GALNT16: variants seen among roughly 807,000 people sequenced by gnomAD.
The protein encoded by GALNT16 is polypeptide N-acetylgalactosaminyltransferase 16.
In GALNT16, 40 loss-of-function variants were observed where a neutral mutation model predicts 76.1. That is an observed-to-expected ratio of 0.53 (90% confidence interval 0.41 to 0.68). The LOEUF (loss-of-function observed/expected upper bound fraction) is 0.68, where lower values mean the gene tolerates loss of function less well. GALNT16 is among the 30% of genes least tolerant of loss of function. The pLI is 0.00. For synonymous variants in GALNT16, 276 were observed against 285.2 expected, an observed-to-expected ratio of 0.97 and a Z score of 0.32; for missense variants, 621 against 731.9, an observed-to-expected ratio of 0.85 and a Z score of 1.75.
In GALNT16 at chr14:69,338,789, A is replaced by T; in HGVS notation, c.1094+12A>T. 6.2e-7 allele frequency: 1 copy of T among 1,607,000 alleles called. No homozygotes were observed. The highest frequency in any genetic ancestry group is 8.5e-7 in the Non-Finnish European group (1 of 1,175,952). On this transcript the variant is annotated intron_variant, in intron 10 of 14. Coordinates refer to ENST00000448469, the MANE Select transcript of GALNT16 (RefSeq NM_001168368.2). ...CTCACCTACATCAGGTAGGTCACCG[A>T]GAAAGGAGCACGGGACTCAGAGGAG...
chr14:69,369,604 A>G, the GALNT16 span, among the ~76,000 whole-genome samples: 1 of 152,182 alleles, frequency 6.6e-6, no homozygotes. Flanking sequence ...AGGAACATCC[A>G]TGTTGTTGGC....
At position 69,260,160 on chromosome 14, in the gene GALNT16, C is replaced by A. The variant is rs1357738376; in HGVS notation, c.-131C>A. ...CACCCCCCCGCCCCCCCACCTCTCTCCTTTTTCTGCTCTGCAGGACTGAGC... is the reference window on the plus strand; with the variant it reads ...CACCCCCCCGCCCCCCCACCTCTCTACTTTTTCTGCTCTGCAGGACTGAGC... On this transcript the variant is annotated 5_prime_UTR_variant, in exon 1 of 15. Transcript: ENST00000448469. 2 of 244,882 alleles carry A rather than the reference C, an allele frequency of 8.2e-6. No homozygotes were observed. 15.2% of individuals were successfully genotyped at this position (244,882 alleles called of 1,614,324 possible). A position where few individuals can be genotyped will look rare whatever the true frequency, so the allele number is the denominator to read the frequency against.
chr14:69,356,477 T>G (rs893105764), downstream of GALNT16: 1 of 150,276 alleles, frequency 6.7e-6, no homozygotes, highest in African/African-American at 2.5e-5. Flanking sequence ...TCTCTATAAA[T>G]AAAAATTCAA....
At chr14:69,361,616 C>T (rs141406735), downstream of GALNT16, among the ~76,000 whole-genome samples, 1 of 152,356 alleles carries the variant, frequency 6.6e-6, no homozygotes, top group Non-Finnish European at 1.5e-5. Flanking sequence ...CGTATCCTTA[C>T]ATGGCTGATT....
chr14:69,321,717 C>G (rs536245076), intron 2 of GALNT16, among the ~76,000 whole-genome samples: 1 of 152,306 alleles, frequency 6.6e-6, no homozygotes, highest in African/African-American at 2.4e-5. Flanking sequence ...AGCTACTTGG[C>G]TCACTTCGAG....
chr14:69,259,650 C>T (rs1566853935), upstream of GALNT16: 1 of 152,748 alleles, frequency 6.5e-6, no homozygotes, highest in South Asian at 2.1e-4. Context: ...TCAGGACTCT[C>T]CCCCGCCCAG....
chr14:69,366,768 A>T, the GALNT16 span, among the ~76,000 whole-genome samples: 1 of 152,360 alleles, frequency 6.6e-6, no homozygotes, highest in African/African-American at 2.4e-5. Context: ...TAGCTAATTG[A>T]TTAATGAATC....
rs765498458 is a variant in GALNT16, at chr14:69,354,006, G to A, written c.*1838G>A. 73 of 152,628 alleles carry A rather than the reference G, an allele frequency of 4.8e-4. No individual in the cohort carries two copies. The highest frequency in any genetic ancestry group is 6.4e-4 in the Non-Finnish European group (44 of 68,246). 9.5% of individuals were successfully genotyped at this position (152,628 alleles called of 1,614,324 possible). ...CTCCCGTGCCCAAGTGCACCCCTCT[G>A]GACTTGCCAGCGCAGGCCCCTTCGC... is the stretch of plus-strand genomic sequence containing the variant. On this transcript the variant is annotated 3_prime_UTR_variant, in exon 15 of 15. Coordinates refer to ENST00000448469, the MANE Select transcript of GALNT16 (RefSeq NM_001168368.2).
At chr14:69,315,162 GA>G (rs563252474) in intron 1 of GALNT16, among the ~76,000 whole-genome samples, 7 of 150,520 alleles carry the variant, frequency 4.7e-5, no homozygotes, top group African/African-American at 7.3e-5. Flanking sequence ...AATCTAGCTG[GA>G]AAAAAAAACT....
At chr14:69,380,773 AGAGCT>A in the GALNT16 span, 1 of 592,448 alleles carries the variant, frequency 1.7e-6, no homozygotes, top group Non-Finnish European at 3.1e-6. Context: ...AAAAGCTGAA[AGAGCT>A]ACTTACACAG....
chr14:69,261,427 G>A lies in GALNT16; in HGVS notation c.177+960G>A, dbSNP rs1319676912. 6.6e-6 allele frequency among the ~76,000 whole-genome samples: 1 copy of A among 152,202 alleles called. No individual in the cohort carries two copies. Among genetic ancestry groups the A allele is most frequent in the African/African-American group, 2.4e-5 (1 of 41,462 alleles). ...CTCGAGCGGGCGCATTCTTCCAGAC[G>A]GGGGCGGTTGGTGGACGAGAGCCTC... On this transcript the variant is annotated intron_variant, in intron 1 of 14. Transcript: ENST00000448469. The surrounding 1 kb of genome is among the most constrained non-coding windows in gnomAD (Gnocchi z 6.4).
chr14:69,371,579 G>T, the GALNT16 span, among the ~76,000 whole-genome samples: 2 of 151,968 alleles, frequency 1.3e-5, no homozygotes, highest in South Asian at 4.2e-4. Flanking sequence ...AAATATTGCT[G>T]GGGAATACAT....
chr14:69,301,387 T>A (rs182307103), intron 1 of GALNT16, among the ~76,000 whole-genome samples: 11 of 152,304 alleles, frequency 7.2e-5, no homozygotes, highest in Non-Finnish European at 1.5e-4. Context: ...GGAGTCTCTC[T>A]GTGTTGCCCA....
At chr14:69,379,170 C>T in the GALNT16 span, among the ~76,000 whole-genome samples, 1 of 152,138 alleles carries the variant, frequency 6.6e-6, no homozygotes, top group African/African-American at 2.4e-5. Flanking sequence ...GAACTCCTGA[C>T]CTCAAATAAT....
At chr14:69,367,220 GATTTT>G in the GALNT16 span, among the ~76,000 whole-genome samples, 2 of 152,040 alleles carry the variant, frequency 1.3e-5, no homozygotes, top group African/African-American at 2.4e-5. Context: ...AAGAAATTTG[GATTTT>G]ATTTTAAGAA....
chr14:69,275,633 G>T (rs890313202), intron 1 of GALNT16, among the ~76,000 whole-genome samples: 1 of 152,222 alleles, frequency 6.6e-6, no homozygotes, highest in African/African-American at 2.4e-5. Flanking sequence ...GAGGCAGGAG[G>T]ACTGGTTGAG....
At chr14:69,293,059 C>T (rs1187286640) in intron 1 of GALNT16, among the ~76,000 whole-genome samples, 1 of 148,866 alleles carries the variant, frequency 6.7e-6, no homozygotes, top group Non-Finnish European at 1.5e-5. Context: ...ATTATGTCCT[C>T]CTTGCAACCT....
At chr14:69,286,660 A>G (rs534305280) in intron 1 of GALNT16, among the ~76,000 whole-genome samples, 3 of 152,264 alleles carry the variant, frequency 2.0e-5, no homozygotes, top group South Asian at 4.2e-4. Flanking sequence ...AATAATATGC[A>G]TGTGAAGGGT....
intron 5 of GALNT16, among the ~76,000 whole-genome samples, chr14:69,327,489 G>A (rs566456782): frequency 2.6e-5 from 4 of 152,362 alleles, no homozygotes; most frequent in South Asian, 2.1e-4. Flanking sequence ...TGTAGGTACC[G>A]TCAGGTCTGG....
Sources: gnomAD v4.1 joint callset for allele counts (sites outside exome capture counted in the v4.1 genomes callset) on GRCh38, gnomAD v4.1.1 for gene constraint, Gnocchi (gnomAD v3.1) non-coding constraint, MANE v1.5 for transcripts, NCBI Gene and HGNC (gene_info 2026-07-23, HGNC 2026-07-21) for gene names.